Variants in EEIG1 observed in about 807,000 individuals in gnomAD.
The protein encoded by EEIG1 is estrogen-induced osteoclastogenesis regulator 1.
At chr9:127,948,713 G>C in the EEIG1 span, among the ~76,000 whole-genome samples, 1 of 152,348 alleles carries the variant, frequency 6.6e-6, no homozygotes, top group Non-Finnish European at 1.5e-5. Flanking sequence ...ATCAGCTACA[G>C]GCCTAGACAA....
At chr9:127,961,970 C>A in the EEIG1 span, among the ~76,000 whole-genome samples, 1 of 152,176 alleles carries the variant, frequency 6.6e-6, no homozygotes, top group Admixed American at 6.5e-5. Context: ...GAGGGGCAGT[C>A]CCCACGGTGT....
chr9:127,958,750 C>T, the EEIG1 span, among the ~76,000 whole-genome samples: 1 of 151,644 alleles, frequency 6.6e-6, no homozygotes, highest in Non-Finnish European at 1.5e-5. Flanking sequence ...AGACAAACCA[C>T]AAAATAAGAA....
chr9:127,947,030 C>T, the EEIG1 span, among the ~76,000 whole-genome samples: 1 of 152,160 alleles, frequency 6.6e-6, no homozygotes, highest in Non-Finnish European at 1.5e-5. Flanking sequence ...ACACCCCCTC[C>T]TCCTAATTGC....
chr9:127,944,435 G>A, the EEIG1 span: 1 of 615,148 alleles, frequency 1.6e-6, no homozygotes, highest in Non-Finnish European at 2.9e-6. Flanking sequence ...TCCCAGGTGA[G>A]GTGGTGGTGT....
the EEIG1 span, chr9:127,979,947 G>C: frequency 3.8e-6 from 6 of 1,584,128 alleles, no homozygotes; most frequent in Admixed American, 9.2e-5. Context: ...TCTAGGTCTC[G>C]CTCATCACCC....
At chr9:127,948,566 C>T in the EEIG1 span, 1 of 744,076 alleles carries the variant, frequency 1.3e-6, no homozygotes, top group African/African-American at 1.8e-5. Flanking sequence ...CTGGCAAAGC[C>T]ACTAACCTCT....
chr9:127,965,106 C>CAAAAAAA, the EEIG1 span, among the ~76,000 whole-genome samples: 32 of 69,716 alleles, frequency 4.6e-4, 1 homozygote, highest in African/African-American at 9.6e-4. Flanking sequence ...AAGACTGTCT[C>CAAAAAAA]AAAAAAAAAA....
At chr9:127,972,116 G>A in the EEIG1 span, among the ~76,000 whole-genome samples, 13 of 152,082 alleles carry the variant, frequency 8.5e-5, no homozygotes, top group African/African-American at 2.4e-4. The surrounding 1 kb of genome is among the most constrained non-coding windows in gnomAD (Gnocchi z 4.3). Flanking sequence ...CGGCTGTGCA[G>A]AGGGCCTCTT....
chr9:127,967,801 C>G, the EEIG1 span, among the ~76,000 whole-genome samples: 2 of 149,568 alleles, frequency 1.3e-5, no homozygotes, highest in African/African-American at 5.1e-5. Flanking sequence ...TGCTACAGGA[C>G]CTGGCACAGT....
At chr9:127,963,058 G>C in the EEIG1 span, among the ~76,000 whole-genome samples, 1 of 152,206 alleles carries the variant, frequency 6.6e-6, no homozygotes, top group East Asian at 1.9e-4. Flanking sequence ...ATTCACACTG[G>C]TATGAAGGGA....
chr9:127,945,379 T>A, the EEIG1 span: 3 of 1,585,890 alleles, frequency 1.9e-6, no homozygotes, highest in Non-Finnish European at 1.7e-6. The surrounding 1 kb of genome is among the most constrained non-coding windows in gnomAD (Gnocchi z 6.5). Context: ...GAAAGAGCGA[T>A]CGGACAGATG....
At chr9:127,959,721 C>T in the EEIG1 span, among the ~76,000 whole-genome samples, 1 of 152,214 alleles carries the variant, frequency 6.6e-6, no homozygotes, top group Non-Finnish European at 1.5e-5. Flanking sequence ...GCTTCCCCTT[C>T]GCCTTCTGCC....
At chr9:127,972,362 C>T in the EEIG1 span, among the ~76,000 whole-genome samples, 6 of 152,316 alleles carry the variant, frequency 3.9e-5, no homozygotes, top group South Asian at 1.2e-3. The surrounding 1 kb of genome is among the most constrained non-coding windows in gnomAD (Gnocchi z 4.3). Context: ...CAGTCCTGGC[C>T]CACACAGGAG....
At chr9:127,970,698 C>G in the EEIG1 span, among the ~76,000 whole-genome samples, 2 of 151,944 alleles carry the variant, frequency 1.3e-5, no homozygotes, top group African/African-American at 4.8e-5. Context: ...CTGTGGCTCC[C>G]ACCCCTCCAG....
the EEIG1 span, among the ~76,000 whole-genome samples, chr9:127,977,601 C>T: frequency 6.6e-6 from 1 of 152,206 alleles, no homozygotes; most frequent in African/African-American, 2.4e-5. Flanking sequence ...CAGCCTGGGC[C>T]CCTCTACCAA....
At chr9:127,958,193 T>C in the EEIG1 span, among the ~76,000 whole-genome samples, 3 of 152,092 alleles carry the variant, frequency 2.0e-5, no homozygotes, top group South Asian at 4.1e-4. Flanking sequence ...TCATGCTATA[T>C]ACAAAAATTA....
At chr9:127,978,793 C>T in the EEIG1 span, among the ~76,000 whole-genome samples, 4 of 152,122 alleles carry the variant, frequency 2.6e-5, no homozygotes, top group South Asian at 6.2e-4. Context: ...CCCAAGATCA[C>T]GCCACTGCAT....
At chr9:127,980,792 G>C in the EEIG1 span, among the ~76,000 whole-genome samples, 1 of 149,668 alleles carries the variant, frequency 6.7e-6, no homozygotes, top group South Asian at 2.1e-4. Context: ...GGCAGGCACC[G>C]GGCCGGCCCC....
chr9:127,944,317 CGT>C, the EEIG1 span: 1 of 525,142 alleles, frequency 1.9e-6, no homozygotes, highest in Non-Finnish European at 3.4e-6. Flanking sequence ...TAAATAAATG[CGT>C]GTGAGGCCCC....
Sources: gnomAD v4.1 joint callset for allele counts (sites outside exome capture counted in the v4.1 genomes callset) on GRCh38, gnomAD v4.1.1 for gene constraint, Gnocchi (gnomAD v3.1) non-coding constraint, MANE v1.5 for transcripts, NCBI Gene and HGNC (gene_info 2026-07-23, HGNC 2026-07-21) for gene names.